Variants in PIP5K1B observed in about 807,000 individuals in gnomAD.
The protein encoded by PIP5K1B is phosphatidylinositol-4-phosphate 5-kinase type 1 beta, also known as phosphatidylinositol 4-phosphate 5-kinase type-1 beta.
In PIP5K1B, 42 loss-of-function variants were observed where a neutral mutation model predicts 67.0. The ratio of observed to expected loss-of-function variants is 0.63; its 90% CI spans 0.49 to 0.81. The LOEUF (loss-of-function observed/expected upper bound fraction) is 0.81, where lower values mean the gene tolerates loss of function less well. PIP5K1B is among the 30% of genes least tolerant of loss of function. PIP5K1B has a pLI of 0.00. For synonymous variants in PIP5K1B, 214 were observed against 231.4 expected (o/e 0.92, Z 0.68); for missense variants, 459 against 646.3 (o/e 0.71, Z 3.14).
intron 1 of PIP5K1B, chr9:68,739,866 C>T (rs1587368293): frequency 1.3e-5 from 2 of 152,398 alleles, no homozygotes; most frequent in Admixed American, 1.3e-4. Flanking sequence ...ATTGCCCAGA[C>T]TCCTGCACGC....
At chr9:68,725,068 C>T (rs1460247884) in intron 1 of PIP5K1B, among the ~76,000 whole-genome samples, 1 of 152,158 alleles carries the variant, frequency 6.6e-6, no homozygotes, top group African/African-American at 2.4e-5. Context: ...ATTTATCATT[C>T]TCACTATTTT....
At chr9:68,812,010 C>T (rs144337980) in intron 2 of PIP5K1B, among the ~76,000 whole-genome samples, 47 of 152,272 alleles carry the variant, frequency 3.1e-4, no homozygotes, top group African/African-American at 8.9e-4. Context: ...TAATGCCCAG[C>T]ACTGATTTAG....
intron 15 of PIP5K1B, among the ~76,000 whole-genome samples, chr9:68,994,676 C>T (rs79800699): frequency 0.038 from 5,737 of 152,184 alleles, 149 homozygotes; most frequent in Middle Eastern, 0.075. Context: ...CAGAAATGAT[C>T]CCTACAGAGT....
At chr9:68,907,954 A>G (rs1825694647) in intron 8 of PIP5K1B, among the ~76,000 whole-genome samples, 1 of 152,200 alleles carries the variant, frequency 6.6e-6, no homozygotes, top group South Asian at 2.1e-4. Context: ...GGTGAAGGGT[A>G]AGTACTTTTT....
intron 13 of PIP5K1B, among the ~76,000 whole-genome samples, chr9:68,936,671 A>T (rs995546743): frequency 6.6e-6 from 1 of 151,866 alleles, no homozygotes; most frequent in South Asian, 2.1e-4. Context: ...TTTCTTTCTC[A>T]TCTTCCCATA....
chr9:68,864,098 C>A, intron 5 of PIP5K1B, 131 bp downstream of exon 5: 1 of 727,056 alleles, frequency 1.4e-6, no homozygotes, highest in Non-Finnish European at 2.2e-6. Flanking sequence ...TTGGCAGGGC[C>A]AAAGGCAGTC....
At chr9:68,913,254 G>C (rs1002301452) in intron 8 of PIP5K1B, among the ~76,000 whole-genome samples, 1 of 152,144 alleles carries the variant, frequency 6.6e-6, no homozygotes. Context: ...AGACGGAAAG[G>C]CACCTGTATT....
At chr9:68,944,339 T>C (rs12348008) in intron 14 of PIP5K1B, among the ~76,000 whole-genome samples, 2,352 of 152,364 alleles carry the variant, frequency 0.015, 68 homozygotes, top group African/African-American at 0.053. Flanking sequence ...AACAATTTCA[T>C]TTAATGTTGT....
intron 2 of PIP5K1B, among the ~76,000 whole-genome samples, chr9:68,761,753 C>G (rs996644248): frequency 6.6e-6 from 1 of 152,036 alleles, no homozygotes; most frequent in African/African-American, 2.4e-5. Flanking sequence ...TTAAAAGAAC[C>G]CTTGTGACTA....
At chr9:68,780,006 G>T in intron 2 of PIP5K1B, 1 of 958,442 alleles carries the variant, frequency 1.0e-6, no homozygotes. Context: ...CCGCGAGTAC[G>T]GACATCGCGA....
At chr9:68,944,056 A>G (rs1182592307) in intron 14 of PIP5K1B, among the ~76,000 whole-genome samples, 1 of 152,186 alleles carries the variant, frequency 6.6e-6, no homozygotes, top group East Asian at 1.9e-4. Flanking sequence ...AGAAAAAAAA[A>G]TAGTATCATC....
intron 3 of PIP5K1B, 58 bp from the exon 4 acceptor site, chr9:68,822,557 A>C: frequency 8.4e-7 from 1 of 1,186,416 alleles, no homozygotes; most frequent in South Asian, 1.3e-5. Flanking sequence ...CAATATTATT[A>C]ATATATTGTA....
chr9:68,802,687 A>C (rs1459326922), intron 2 of PIP5K1B, among the ~76,000 whole-genome samples: 1 of 152,076 alleles, frequency 6.6e-6, no homozygotes, highest in Non-Finnish European at 1.5e-5. Context: ...TCAGCCTGAG[A>C]GTGAAGGGGA....
intron 5 of PIP5K1B, among the ~76,000 whole-genome samples, chr9:68,871,275 C>T (rs999059120): frequency 5.3e-5 from 8 of 152,080 alleles, no homozygotes; most frequent in Non-Finnish European, 8.8e-5. Flanking sequence ...AACAGAGGAA[C>T]GTCAAGTCTA....
At chr9:68,761,752 C>T (rs1279189336) in intron 2 of PIP5K1B, among the ~76,000 whole-genome samples, 1 of 152,088 alleles carries the variant, frequency 6.6e-6, no homozygotes, top group Non-Finnish European at 1.5e-5. Flanking sequence ...CTTAAAAGAA[C>T]CCTTGTGACT....
At chr9:68,793,388 G>A (rs1328013598) in intron 2 of PIP5K1B, among the ~76,000 whole-genome samples, 3 of 152,116 alleles carry the variant, frequency 2.0e-5, no homozygotes, top group Non-Finnish European at 4.4e-5. Context: ...TAGAGGCAGG[G>A]GGACCAATTA....
At chr9:68,865,257 T>C (rs1823299099) in intron 5 of PIP5K1B, among the ~76,000 whole-genome samples, 1 of 152,032 alleles carries the variant, frequency 6.6e-6, no homozygotes, top group African/African-American at 2.4e-5. Context: ...CTTTCTATAG[T>C]TGGAAATGTT....
chr9:68,922,460 C>CAAAAAAAAAAGAAAAA (rs141136674), intron 11 of PIP5K1B, among the ~76,000 whole-genome samples: 1 of 128,256 alleles, frequency 7.8e-6, no homozygotes, highest in Non-Finnish European at 1.6e-5. Flanking sequence ...GACTCTGTCT[C>CAAAAAAAAAAGAAAAA]AAAAAAAAAG....
chr9:68,952,518 G>A (rs550279641), intron 14 of PIP5K1B, among the ~76,000 whole-genome samples: 1 of 152,132 alleles, frequency 6.6e-6, no homozygotes, highest in Admixed American at 6.5e-5. Flanking sequence ...CCTCATTTTG[G>A]TGGAACACAT....
Sources: gnomAD v4.1 joint callset for allele counts (sites outside exome capture counted in the v4.1 genomes callset) on GRCh38, gnomAD v4.1.1 for gene constraint, MANE v1.5 for transcripts, NCBI Gene and HGNC (gene_info 2026-07-23, HGNC 2026-07-21) for gene names.